The following DPP6 variants were observed in gnomAD, a reference collection of about 807,000 sequenced individuals.
DPP6 encodes dipeptidyl peptidase like 6.
In DPP6, 69 loss-of-function variants were observed where a neutral mutation model predicts 122.6. That is an observed-to-expected ratio of 0.56 (90% CI 0.46 to 0.69). The LOEUF is 0.69. Among genes scored for constraint, DPP6 ranks in the 30% least tolerant of loss-of-function variants. The probability of loss-of-function intolerance (pLI) is 0.00; values close to 1 mark genes in which losing one functional copy is unlikely to be tolerated. For missense variants in DPP6, 928 were observed against 1,116.9 expected, an observed-to-expected ratio of 0.83 and a Z score of 2.41; for synonymous variants, 418 against 433.1, an observed-to-expected ratio of 0.97 and a Z score of 0.43.
At chr7:154,318,494 A>G (rs1807633322) in intron 1 of DPP6, among the ~76,000 whole-genome samples, 2 of 152,156 alleles carry the variant, frequency 1.3e-5, no homozygotes, top group Non-Finnish European at 2.9e-5. Context: ...ACCAAGACCA[A>G]AAGCTTGGAA....
At chr7:154,873,844 A>G (rs1804601660) in intron 19 of DPP6, among the ~76,000 whole-genome samples, 1 of 135,962 alleles carries the variant, frequency 7.4e-6, no homozygotes, top group Admixed American at 7.4e-5. Context: ...ACACACACAT[A>G]TGCATACCCA....
intron 7 of DPP6, among the ~76,000 whole-genome samples, chr7:154,674,504 A>G (rs1381264759): frequency 6.6e-6 from 1 of 152,200 alleles, no homozygotes; most frequent in Non-Finnish European, 1.5e-5. Context: ...AACAAGTGCC[A>G]TGGAAATTTT....
At chr7:153,894,496 T>A (rs1454720490) in intron 1 of DPP6, among the ~76,000 whole-genome samples, 2 of 152,160 alleles carry the variant, frequency 1.3e-5, no homozygotes, top group Non-Finnish European at 2.9e-5. Flanking sequence ...AGGGTTCCAT[T>A]CGGGAAGTAG....
At chr7:154,815,753 C>A (rs573739749) in intron 16 of DPP6, among the ~76,000 whole-genome samples, 6 of 152,322 alleles carry the variant, frequency 3.9e-5, no homozygotes, top group South Asian at 4.1e-4. Flanking sequence ...GTTCATGAAT[C>A]CCTTACAGCT....
At chr7:154,667,164 T>C (rs1332615315) in intron 6 of DPP6, among the ~76,000 whole-genome samples, 2 of 151,500 alleles carry the variant, frequency 1.3e-5, no homozygotes, top group Admixed American at 6.6e-5. Context: ...CTTTTTCTCA[T>C]ATTTTTATCT....
chr7:154,058,961 C>G (rs1414613335), intron 1 of DPP6: 1 of 151,556 alleles, frequency 6.6e-6, no homozygotes, highest in Non-Finnish European at 1.5e-5. Context: ...GGGAGGCACC[C>G]CCCCGCGAGG....
At chr7:154,301,447 T>C (rs79138879) in intron 1 of DPP6, among the ~76,000 whole-genome samples, 7,037 of 152,286 alleles carry the variant, frequency 0.046, 220 homozygotes, top group African/African-American at 0.084. Flanking sequence ...TACTTATAGA[T>C]GCTGCTTTCT....
intron 3 of DPP6, among the ~76,000 whole-genome samples, chr7:154,516,293 A>G (rs142222622): frequency 0.013 from 1,957 of 151,752 alleles, 24 homozygotes; most frequent in Non-Finnish European, 0.022. Context: ...AGACAGAAAC[A>G]TAAAAAGAGA....
intron 1 of DPP6, among the ~76,000 whole-genome samples, chr7:153,960,002 G>A (rs1040238318): frequency 6.6e-6 from 1 of 152,124 alleles, no homozygotes; most frequent in Non-Finnish European, 1.5e-5. Context: ...ATTGTTGGTT[G>A]ATTAGCTGGC....
chr7:154,235,049 A>G (rs1215454394), intron 1 of DPP6, among the ~76,000 whole-genome samples: 1 of 152,238 alleles, frequency 6.6e-6, no homozygotes, highest in Non-Finnish European at 1.5e-5. Context: ...TTACCATACA[A>G]TTTACCCATT....
chr7:154,819,597 A>G (rs1048950830), intron 16 of DPP6, among the ~76,000 whole-genome samples: 3 of 152,192 alleles, frequency 2.0e-5, no homozygotes, highest in African/African-American at 7.2e-5. Context: ...GAATATGACC[A>G]GATGGTATTT....
Position 154,444,301 on chromosome 7 carries a change from C to CAA in DPP6, c.244-1900_244-1899dup, listed in dbSNP as rs768049544. ...TGAAACCCTGTCTCTACTAAATAGA[C>CAA]AAAAAAAAAAAAAATTAGCCAGGTG... is the stretch of plus-strand genomic sequence containing the variant. On this transcript the variant is annotated intron_variant, in intron 1 of 25. Transcript: ENST00000377770. Among the ~76,000 whole-genome samples, 1,034 of 124,602 alleles carry CAA rather than the reference C, an allele frequency of 8.3e-3. 17 individuals are homozygous for CAA. Among genetic ancestry groups the CAA allele is most frequent in the African/African-American group, 0.028 (978 of 34,394 alleles). 81.7% of individuals were successfully genotyped at this position (124,602 alleles called of 152,430 possible).
chr7:154,509,457 A>G (rs1825894274), intron 3 of DPP6, among the ~76,000 whole-genome samples: 3 of 152,200 alleles, frequency 2.0e-5, no homozygotes, highest in African/African-American at 7.2e-5. Flanking sequence ...TAGAATGGCT[A>G]CAGTAAAAAG....
intron 1 of DPP6, among the ~76,000 whole-genome samples, chr7:154,280,678 C>A (rs1246175311): frequency 2.0e-5 from 3 of 152,112 alleles, no homozygotes; most frequent in African/African-American, 7.2e-5. Flanking sequence ...AACATATTTG[C>A]AGGCTAAAAC....
At chr7:154,553,048 T>G (rs1489921024) in intron 4 of DPP6, among the ~76,000 whole-genome samples, 35 of 152,220 alleles carry the variant, frequency 2.3e-4, no homozygotes, top group Admixed American at 2.3e-3. Context: ...ATTTTTGAGC[T>G]GGTTAGAATT....
At chr7:154,274,340 C>T (rs993943211) in intron 1 of DPP6, among the ~76,000 whole-genome samples, 2 of 152,148 alleles carry the variant, frequency 1.3e-5, no homozygotes, top group Admixed American at 1.3e-4. Flanking sequence ...CATGGTGATA[C>T]CAATACAATT....
intron 3 of DPP6, among the ~76,000 whole-genome samples, chr7:154,480,095 C>T (rs1586402182): frequency 6.6e-6 from 1 of 150,958 alleles, no homozygotes; most frequent in African/African-American, 2.4e-5. Context: ...ACTCGCTTCA[C>T]TTACCTGAGG....
chr7:154,697,121 G>A (rs1840262726), intron 7 of DPP6, among the ~76,000 whole-genome samples: 1 of 152,152 alleles, frequency 6.6e-6, no homozygotes, highest in Non-Finnish European at 1.5e-5. Flanking sequence ...GTTTTCCCAG[G>A]TGCTGTTTGT....
chr7:153,950,602 A>G (rs570716364), intron 1 of DPP6, among the ~76,000 whole-genome samples: 1 of 152,356 alleles, frequency 6.6e-6, no homozygotes, highest in South Asian at 2.1e-4. Flanking sequence ...TGAAGTGGAA[A>G]TAAGGAAAGA....
Sources: allele counts gnomAD v4.1 joint callset (sites outside exome capture counted in the v4.1 genomes callset), GRCh38; gene constraint gnomAD v4.1.1; transcripts MANE v1.5; gene names NCBI Gene and HGNC (gene_info 2026-07-23, HGNC 2026-07-21).